ZSCAN30: variants seen among roughly 807,000 people sequenced by gnomAD.
ZSCAN30 encodes the protein zinc finger and SCAN domain containing 30.
A neutral mutation model predicts 44.3 loss-of-function variants in ZSCAN30; 37 were observed. That is an observed-to-expected ratio of 0.84 (90% CI 0.64 to 1.10). The LOEUF is 1.10. Ranked by LOEUF, ZSCAN30 falls within the 50% of genes least tolerant of loss-of-function variation. The pLI is 0.00. For synonymous variants in ZSCAN30, 181 were observed against 204.6 expected (o/e 0.88, Z 0.98); for missense variants, 549 against 582.6 (o/e 0.94, Z 0.59).
chr18:35,280,847 T>C (rs2044443163), intron 1 of ZSCAN30: 1 of 152,260 alleles, frequency 6.6e-6, no homozygotes, highest in African/African-American at 2.4e-5. Context: ...CTTCACAATT[T>C]TGATTTATTT....
At chr18:35,271,829 TTTGA>T (rs2044283697) in intron 1 of ZSCAN30, among the ~76,000 whole-genome samples, 1 of 152,198 alleles carries the variant, frequency 6.6e-6, no homozygotes, top group Admixed American at 6.5e-5. Context: ...CCAGCAAGAA[TTTGA>T]TTGTGGCGCA....
intron 1 of ZSCAN30, among the ~76,000 whole-genome samples, chr18:35,264,974 A>C (rs192507043): frequency 0.018 from 2,694 of 151,966 alleles, 36 homozygotes; most frequent in Non-Finnish European, 0.025. Context: ...GTGAAACCCC[A>C]TCTCTACTAA....
Position 35,263,555 on chromosome 18 carries a change from A to T in ZSCAN30, c.511T>A (p.Cys171Ser), listed in dbSNP as rs774238938. The T allele has an allele frequency of 6.2e-7, 1 of 1,614,180 alleles. No homozygotes were observed. Among genetic ancestry groups the T allele is most frequent in the East Asian group, 2.2e-5 (1 of 44,874 alleles). Residue 171 changes from cysteine to serine, a missense_variant, in exon 3 of 4, where the codon TGC (cysteine) becomes AGC (serine). Coordinates refer to ENST00000333206, the MANE Select transcript of ZSCAN30 (RefSeq NM_001112734.4). The stretch of plus-strand genomic sequence containing the variant: ...TGGGACTCCTGAGTCTCAGTCTTGC[A>T]CTGGTTCTCTAAGGGCTGCACCGGG... ...NSPVQPLENQ[C>S]KTETQESQAF...
chr18:35,270,086 C>T (rs1317272274), intron 1 of ZSCAN30: 1 of 152,152 alleles, frequency 6.6e-6, no homozygotes, highest in African/African-American at 2.4e-5. Context: ...ATAAACACTT[C>T]TCTATCATTT....
intron 1 of ZSCAN30, among the ~76,000 whole-genome samples, chr18:35,277,309 G>C (rs1000373211): frequency 2.0e-5 from 3 of 152,182 alleles, no homozygotes; most frequent in Non-Finnish European, 1.5e-5. Context: ...TGTTGGAAAG[G>C]CATGATCATG....
chr18:35,253,344 G>A lies in ZSCAN30; in HGVS notation c.*106C>T, dbSNP rs992082206. ...GTCTTCTTATAGTACCGAACTGGGA[G>A]GGAAGGACAGAAGTTCTGCTCTCAG... On this transcript the variant is annotated 3_prime_UTR_variant, in exon 4 of 4. Coordinates refer to ENST00000333206, the MANE Select transcript of ZSCAN30 (RefSeq NM_001112734.4). 2.6e-5 allele frequency: 22 copies of A among 846,526 alleles called. No homozygotes were observed. The highest frequency in any genetic ancestry group is 4.0e-5 in the Non-Finnish European group (22 of 555,262). 52.4% of individuals were successfully genotyped at this position (846,526 alleles called of 1,614,324 possible).
At chr18:35,259,837 G>A (rs375083738) in intron 3 of ZSCAN30, 1 of 152,584 alleles carries the variant, frequency 6.6e-6, no homozygotes, top group Non-Finnish European at 1.5e-5. Context: ...TTTAAGGCAG[G>A]GGACCTGATG....
At position 35,251,717 on chromosome 18, in the gene ZSCAN30, T is replaced by C. The variant is rs1689079255; in HGVS notation, c.*1733A>G. On this transcript the variant is annotated 3_prime_UTR_variant, in exon 4 of 4. Transcript: ENST00000333206. The stretch of plus-strand genomic sequence containing the variant: ...CTTGCCACCTTGTGAAGAAGGTGCT[T>C]GCTTCCCCTTCGCCTTCCACCATGA... 2 of 152,248 alleles carry C rather than the reference T, an allele frequency of 1.3e-5. No homozygotes were observed. Among genetic ancestry groups the C allele is most frequent in the Admixed American group, 1.3e-4 (2 of 15,268 alleles). The allele number at this position is 152,248 out of a possible 1,614,324, so 9.4% of individuals were successfully genotyped here. A position where few individuals can be genotyped will look rare whatever the true frequency, so the allele number is the denominator to read the frequency against.
chr18:35,279,197 A>G (rs2044413725), intron 1 of ZSCAN30, among the ~76,000 whole-genome samples: 1 of 152,232 alleles, frequency 6.6e-6, no homozygotes, highest in Non-Finnish European at 1.5e-5. Context: ...GCATAATAGA[A>G]ATGTATTCTC....
At chr18:35,286,198 C>A (rs1017303499) in intron 1 of ZSCAN30, among the ~76,000 whole-genome samples, 3 of 152,072 alleles carry the variant, frequency 2.0e-5, no homozygotes, top group Non-Finnish European at 4.4e-5. Flanking sequence ...TTAAAACCTT[C>A]CCACAAAAAA....
At chr18:35,274,218 G>T (rs2080238905) in intron 1 of ZSCAN30, among the ~76,000 whole-genome samples, 1 of 151,624 alleles carries the variant, frequency 6.6e-6, no homozygotes, top group Non-Finnish European at 1.5e-5. Context: ...TTTTTGTTTT[G>T]GGTAGAGACA....
chr18:35,253,340 G>T lies in ZSCAN30; in HGVS notation c.*110C>A. On this transcript the variant is annotated 3_prime_UTR_variant, in exon 4 of 4. Transcript: ENST00000333206. Reference sequence around the variant, plus strand: ...GCATGTCTTCTTATAGTACCGAACTGGGAGGGAAGGACAGAAGTTCTGCTC... The same window carrying T: ...GCATGTCTTCTTATAGTACCGAACTTGGAGGGAAGGACAGAAGTTCTGCTC... The T allele has an allele frequency of 1.2e-6, 1 of 808,176 alleles. No homozygotes were observed. Among genetic ancestry groups the T allele is most frequent in the African/African-American group, 1.7e-5 (1 of 57,922 alleles). The allele number at this position is 808,176 out of a possible 1,614,324, so 50.1% of individuals were successfully genotyped here. A position where few individuals can be genotyped will look rare whatever the true frequency, so the allele number is the denominator to read the frequency against.
intron 1 of ZSCAN30, among the ~76,000 whole-genome samples, chr18:35,271,029 G>C (rs904272754): frequency 6.6e-6 from 1 of 152,154 alleles, no homozygotes; most frequent in African/African-American, 2.4e-5. Context: ...TTGTGGTCTT[G>C]CTAGCCTCAG....
intron 1 of ZSCAN30, among the ~76,000 whole-genome samples, chr18:35,288,425 G>A (rs1217257575): frequency 6.6e-6 from 1 of 152,150 alleles, no homozygotes; most frequent in African/African-American, 2.4e-5. Context: ...AAAGTAGTGT[G>A]GGTTTTTTTA....
intron 1 of ZSCAN30, chr18:35,269,764 T>C (rs1398494774): frequency 1.3e-5 from 2 of 151,912 alleles, no homozygotes; most frequent in Non-Finnish European, 2.9e-5. Flanking sequence ...CCTGTACTTG[T>C]TAAAAAGAAC....
intron 1 of ZSCAN30, among the ~76,000 whole-genome samples, chr18:35,280,532 C>T (rs772145458): frequency 3.3e-5 from 5 of 152,178 alleles, no homozygotes; most frequent in Non-Finnish European, 7.3e-5. Flanking sequence ...CTGAACTCAA[C>T]TTTAAAGATC....
At chr18:35,271,961 G>A (rs552602674) in intron 1 of ZSCAN30, among the ~76,000 whole-genome samples, 11 of 152,234 alleles carry the variant, frequency 7.2e-5, no homozygotes, top group East Asian at 3.9e-4. Flanking sequence ...CGCCGAGCCC[G>A]CGCCCACCCG....
intron 1 of ZSCAN30, chr18:35,284,643 G>C (rs900154908): frequency 1.3e-5 from 2 of 155,254 alleles, no homozygotes; most frequent in Non-Finnish European, 2.9e-5. Flanking sequence ...GGAGAGGCCA[G>C]GCAGCAGAAG....
intron 1 of ZSCAN30, among the ~76,000 whole-genome samples, chr18:35,274,832 C>T (rs1007672291): frequency 1.1e-4 from 16 of 152,182 alleles, no homozygotes; most frequent in African/African-American, 3.9e-4. Context: ...GTGTGATCCA[C>T]ATTACTCACT....
Sources: gnomAD v4.1 joint callset for allele counts (sites outside exome capture counted in the v4.1 genomes callset) on GRCh38, gnomAD v4.1.1 for gene constraint, MANE v1.5 for transcripts, NCBI Gene and HGNC (gene_info 2026-07-23, HGNC 2026-07-21) for gene names.